The following CUBN variants were observed in gnomAD, a reference collection of about 807,000 sequenced individuals.
CUBN encodes the protein cubilin.
CUBN carries 282 observed loss-of-function variants against 405.3 expected under a neutral mutation model. The observed-to-expected ratio is 0.70, with a 90% confidence interval of 0.63 to 0.77. The LOEUF is 0.77. Ranked by LOEUF, CUBN falls within the 30% of genes least tolerant of loss-of-function variation. The pLI is 0.00. For missense variants in CUBN, 4,514 were observed against 4,475.2 expected, an observed-to-expected ratio of 1.01 and a Z score of -0.25; for synonymous variants, 1,684 against 1,617.0, an observed-to-expected ratio of 1.04 and a Z score of -0.99.
chr10:16,841,872 C>T (rs941266457), intron 60 of CUBN, among the ~76,000 whole-genome samples: 1 of 135,610 alleles, frequency 7.4e-6, no homozygotes, highest in Non-Finnish European at 1.5e-5. Context: ...GAGATGGTGC[C>T]ACTACACTCC....
At chr10:16,972,065 C>A (rs1198666943) in intron 31 of CUBN, among the ~76,000 whole-genome samples, 2 of 152,076 alleles carry the variant, frequency 1.3e-5, no homozygotes, top group African/African-American at 4.8e-5. Context: ...CCTTTGATCA[C>A]CCACCCTTGA....
chr10:17,082,834 T>G (rs1836002683), intron 17 of CUBN, among the ~76,000 whole-genome samples: 1 of 152,216 alleles, frequency 6.6e-6, no homozygotes, highest in South Asian at 2.1e-4. Flanking sequence ...GTAACTTCTC[T>G]GGGCTACAGT....
intron 39 of CUBN, among the ~76,000 whole-genome samples, chr10:16,935,696 G>A (rs964497062): frequency 1.3e-5 from 2 of 151,754 alleles, no homozygotes; most frequent in Admixed American, 1.3e-4. Context: ...TGCCTAACAC[G>A]GTGAAACCCC....
chr10:16,837,389 G>T (rs900303372), intron 62 of CUBN, among the ~76,000 whole-genome samples: 1 of 151,966 alleles, frequency 6.6e-6, no homozygotes, highest in Non-Finnish European at 1.5e-5. Context: ...TCCTTCGACG[G>T]TCTCTACATC....
At chr10:17,005,194 G>A (rs1047523345) in intron 28 of CUBN, among the ~76,000 whole-genome samples, 1 of 152,128 alleles carries the variant, frequency 6.6e-6, no homozygotes, top group Admixed American at 6.6e-5. Flanking sequence ...CTATCAGTTG[G>A]TTTCTGATAA....
intron 28 of CUBN, among the ~76,000 whole-genome samples, chr10:16,990,955 T>A (rs1305661150): frequency 1.3e-5 from 2 of 152,180 alleles, no homozygotes; most frequent in African/African-American, 4.8e-5. Flanking sequence ...TGCAGTCCCG[T>A]GCAGATCTAA....
intron 56 of CUBN, among the ~76,000 whole-genome samples, chr10:16,878,086 G>A (rs1027551546): frequency 2.0e-5 from 3 of 152,184 alleles, no homozygotes; most frequent in East Asian, 1.9e-4. Flanking sequence ...TCAGGAATTC[G>A]AGGCCAGCCT....
chr10:17,105,092 C>T (rs776236701), intron 11 of CUBN, among the ~76,000 whole-genome samples: 12 of 151,938 alleles, frequency 7.9e-5, no homozygotes, highest in Non-Finnish European at 1.3e-4. Context: ...TGAGCCACCA[C>T]GCCTGGCCTA....
intron 55 of CUBN, 90 bp from the exon 56 acceptor site, chr10:16,888,656 C>T: frequency 9.1e-7 from 1 of 1,095,198 alleles, no homozygotes; most frequent in Non-Finnish European, 1.4e-6. Context: ...CCTAAATTAT[C>T]TATAGACATA....
intron 40 of CUBN, among the ~76,000 whole-genome samples, chr10:16,931,012 T>C (rs550108715): frequency 6.9e-4 from 105 of 152,096 alleles, no homozygotes; most frequent in African/African-American, 2.4e-3. Flanking sequence ...ATCACAGCAC[T>C]TTGGGAGGCC....
At chr10:16,861,397 A>G (rs905857588) in intron 59 of CUBN, among the ~76,000 whole-genome samples, 4 of 151,982 alleles carry the variant, frequency 2.6e-5, no homozygotes, top group African/African-American at 9.7e-5. Context: ...TCCTGACCTC[A>G]GGTGATCAGC....
chr10:16,883,271 T>C (rs972067217), intron 56 of CUBN, among the ~76,000 whole-genome samples: 7 of 152,092 alleles, frequency 4.6e-5, no homozygotes, highest in African/African-American at 1.7e-4. Context: ...ACAGCTAAGT[T>C]CCATTGCGCA....
At chr10:17,024,857 T>C (rs566796156) in intron 27 of CUBN, among the ~76,000 whole-genome samples, 125 of 152,226 alleles carry the variant, frequency 8.2e-4, no homozygotes, top group Non-Finnish European at 1.6e-3. Context: ...CAGCCCTTTC[T>C]GTTTTAGATT....
chr10:17,122,588 T>A, intron 6 of CUBN: 1 of 620,094 alleles, frequency 1.6e-6, no homozygotes, highest in Non-Finnish European at 3.1e-6. Context: ...AAGGATTTCT[T>A]CACGGGGTGA....
At chr10:16,946,986 C>T (rs543796649) in intron 36 of CUBN, among the ~76,000 whole-genome samples, 12 of 152,190 alleles carry the variant, frequency 7.9e-5, no homozygotes, top group Middle Eastern at 3.4e-3. Context: ...AACATGAATG[C>T]GCCACAGATT....
At chr10:16,836,107 G>T in intron 63 of CUBN, 128 bp downstream of exon 63, 1 of 893,860 alleles carries the variant, frequency 1.1e-6, no homozygotes, top group South Asian at 1.4e-5. Flanking sequence ...TTAAGAGAGG[G>T]ATGTGGTTTT....
chr10:16,924,281 C>G (rs1842119631), intron 43 of CUBN, among the ~76,000 whole-genome samples: 1 of 152,126 alleles, frequency 6.6e-6, no homozygotes, highest in African/African-American at 2.4e-5. Context: ...GCTTAGAAAG[C>G]AATGGCGCGG....
intron 19 of CUBN, among the ~76,000 whole-genome samples, chr10:17,069,849 C>T (rs563552086): frequency 2.0e-5 from 3 of 152,106 alleles, no homozygotes; most frequent in Non-Finnish European, 4.4e-5. Context: ...GCCTCCTTTG[C>T]CCATTTTAAA....
intron 6 of CUBN, chr10:17,122,397 A>G (rs989409429): frequency 9.6e-6 from 3 of 313,512 alleles, no homozygotes; most frequent in African/African-American, 2.2e-5. Flanking sequence ...TAATACATGG[A>G]AAGAGTACAG....
Sources: gnomAD v4.1 joint callset for allele counts (sites outside exome capture counted in the v4.1 genomes callset) on GRCh38, gnomAD v4.1.1 for gene constraint, MANE v1.5 for transcripts, NCBI Gene and HGNC (gene_info 2026-07-23, HGNC 2026-07-21) for gene names.